Variants in NAALADL2 observed in about 807,000 individuals in gnomAD.
NAALADL2 encodes the protein inactive N-acetylated-alpha-linked acidic dipeptidase-like protein 2.
In NAALADL2, 76 loss-of-function variants were observed where a neutral mutation model predicts 87.2. That is an observed-to-expected ratio of 0.87 (90% CI 0.72 to 1.05). NAALADL2 has a LOEUF of 1.05. Among genes scored for constraint, NAALADL2 ranks in the 50% least tolerant of loss-of-function variants. NAALADL2 has a pLI of 0.00. For synonymous variants in NAALADL2, 354 were observed against 331.0 expected (o/e 1.07, Z -0.75); for missense variants, 1,089 against 945.8 (o/e 1.15, Z -1.99).
intron 11 of NAALADL2, among the ~76,000 whole-genome samples, chr3:175,680,941 C>T (rs1442696000): frequency 6.6e-6 from 1 of 152,010 alleles, no homozygotes; most frequent in African/African-American, 2.4e-5. Context: ...GGTGAAACCC[C>T]GTCTCTACTA....
chr3:175,129,917 A>G (rs1177832877), intron 2 of NAALADL2, among the ~76,000 whole-genome samples: 3 of 152,200 alleles, frequency 2.0e-5, no homozygotes. Flanking sequence ...TAATGATTGT[A>G]TCAATTTACA....
intron 2 of NAALADL2, among the ~76,000 whole-genome samples, chr3:174,566,775 A>AT (rs879732139): frequency 5.8e-4 from 82 of 141,042 alleles, no homozygotes; most frequent in Middle Eastern, 3.7e-3. Flanking sequence ...TTCATTTTCA[A>AT]TTTTTTTTTT....
At chr3:175,453,756 T>G (rs567457488) in intron 6 of NAALADL2, among the ~76,000 whole-genome samples, 1 of 152,270 alleles carries the variant, frequency 6.6e-6, no homozygotes, top group African/African-American at 2.4e-5. Context: ...TTGTCTATTC[T>G]ATACATGCCA....
chr3:174,572,541 G>T (rs563017417), intron 2 of NAALADL2, among the ~76,000 whole-genome samples: 128 of 152,112 alleles, frequency 8.4e-4, no homozygotes, highest in African/African-American at 3.1e-3. Flanking sequence ...AATAAATGAG[G>T]TATAAAAATT....
chr3:174,755,582 A>T (rs547223214), intron 3 of NAALADL2, among the ~76,000 whole-genome samples: 1 of 152,284 alleles, frequency 6.6e-6, no homozygotes, highest in South Asian at 2.1e-4. Flanking sequence ...TGAATACTCC[A>T]GTTCTGCATA....
At chr3:175,319,591 G>C (rs115619659) in intron 4 of NAALADL2, among the ~76,000 whole-genome samples, 1 of 152,070 alleles carries the variant, frequency 6.6e-6, no homozygotes, top group Admixed American at 6.6e-5. Flanking sequence ...AGGCCGAGTC[G>C]GCAATATCAT....
intron 11 of NAALADL2, among the ~76,000 whole-genome samples, chr3:175,668,151 T>A (rs957541471): frequency 1.3e-5 from 2 of 152,164 alleles, no homozygotes; most frequent in African/African-American, 4.8e-5. Context: ...ATTCTAATAA[T>A]TACTCAGAGA....
At chr3:174,850,881 T>A (rs537054066) in intron 3 of NAALADL2, among the ~76,000 whole-genome samples, 3 of 151,332 alleles carry the variant, frequency 2.0e-5, no homozygotes, top group East Asian at 1.9e-4. Context: ...TGTCTTAATT[T>A]AAAAAAAAAC....
At chr3:175,385,001 A>G (rs1017068785) in intron 5 of NAALADL2, among the ~76,000 whole-genome samples, 33 of 152,178 alleles carry the variant, frequency 2.2e-4, no homozygotes, top group African/African-American at 6.3e-4. Flanking sequence ...ACAGAGTCCT[A>G]TGTCAACTGG....
At chr3:175,463,562 T>C (rs1356242175) in intron 7 of NAALADL2, 69 bp downstream of exon 7, 2 of 819,542 alleles carry the variant, frequency 2.4e-6, no homozygotes, top group Admixed American at 5.6e-5. Flanking sequence ...TCTGTAATAA[T>C]TTAATATTAT....
At chr3:174,981,705 A>AT (rs146132597) in intron 1 of NAALADL2, among the ~76,000 whole-genome samples, 2 of 151,902 alleles carry the variant, frequency 1.3e-5, no homozygotes, top group Non-Finnish European at 2.9e-5. Flanking sequence ...GACTTAAAAT[A>AT]TTTTTTTTCT....
chr3:174,744,278 A>G (rs2109018068), intron 3 of NAALADL2, among the ~76,000 whole-genome samples: 1 of 152,058 alleles, frequency 6.6e-6, no homozygotes, highest in Middle Eastern at 3.4e-3. Context: ...AGAGGGAAAG[A>G]GAAGACTTAT....
At chr3:175,465,473 C>CTTTTTTTTTTT (rs71164634) in intron 7 of NAALADL2, among the ~76,000 whole-genome samples, 3 of 106,740 alleles carry the variant, frequency 2.8e-5, no homozygotes, top group East Asian at 3.3e-4. Context: ...TGAATTAAAT[C>CTTTTTTTTTTT]TTTTTTTTTT....
chr3:175,208,012 T>C (rs750756047), intron 2 of NAALADL2, among the ~76,000 whole-genome samples: 6 of 152,088 alleles, frequency 3.9e-5, no homozygotes, highest in Non-Finnish European at 8.8e-5. Flanking sequence ...TGTAAAGCAC[T>C]CCAAAAGCTA....
intron 5 of NAALADL2, among the ~76,000 whole-genome samples, chr3:175,399,697 T>C (rs772434966): frequency 2.6e-5 from 4 of 152,150 alleles, no homozygotes; most frequent in South Asian, 4.2e-4. Flanking sequence ...AGCAAGGTCT[T>C]TATGACCTGT....
chr3:175,572,398 A>T (rs1048964743), intron 9 of NAALADL2, among the ~76,000 whole-genome samples: 4 of 146,284 alleles, frequency 2.7e-5, no homozygotes, highest in African/African-American at 1.1e-4. Flanking sequence ...TTGCCATCTT[A>T]GTTGGTTTAC....
chr3:174,777,172 A>G (rs1715313037), intron 3 of NAALADL2, among the ~76,000 whole-genome samples: 1 of 152,102 alleles, frequency 6.6e-6, no homozygotes, highest in African/African-American at 2.4e-5. Context: ...ATCACCTTGT[A>G]TGGAATTCCT....
At chr3:175,331,880 C>A (rs1234590351) in intron 5 of NAALADL2, among the ~76,000 whole-genome samples, 1 of 152,156 alleles carries the variant, frequency 6.6e-6, no homozygotes, top group Non-Finnish European at 1.5e-5. Context: ...CTGATAAATT[C>A]AGTAGAGTTG....
chr3:174,910,282 G>T (rs1172323543), intron 1 of NAALADL2, among the ~76,000 whole-genome samples: 1 of 151,816 alleles, frequency 6.6e-6, no homozygotes, highest in Non-Finnish European at 1.5e-5. Flanking sequence ...CTAATATTTT[G>T]GCATGCTAAC....
Sources: allele counts gnomAD v4.1 joint callset (sites outside exome capture counted in the v4.1 genomes callset), GRCh38; gene constraint gnomAD v4.1.1; transcripts MANE v1.5; gene names NCBI Gene and HGNC (gene_info 2026-07-23, HGNC 2026-07-21).